SLIT3: variants seen among roughly 807,000 people sequenced by gnomAD.
The protein encoded by SLIT3 is slit homolog 3 protein.
SLIT3 carries 68 observed loss-of-function variants against 184.0 expected under a neutral mutation model. The ratio of observed to expected loss-of-function variants is 0.37; its 90% CI spans 0.30 to 0.45. The LOEUF (loss-of-function observed/expected upper bound fraction) is 0.45, where lower values mean the gene tolerates loss of function less well. SLIT3 is among the 20% of genes least tolerant of loss of function. The pLI is 1.00. For missense variants in SLIT3, 1,707 were observed against 2,026.0 expected (o/e 0.84, Z 3.02); for synonymous variants, 831 against 828.6 (o/e 1.00, Z -0.05).
chr5:169,103,385 T>C (rs1760088167), intron 4 of SLIT3, among the ~76,000 whole-genome samples: 1 of 152,168 alleles, frequency 6.6e-6, no homozygotes, highest in Non-Finnish European at 1.5e-5. Flanking sequence ...GAGAAAGGGT[T>C]TGAAAAGCCC....
chr5:168,861,391 C>T (rs1477985066), intron 5 of SLIT3, among the ~76,000 whole-genome samples: 2 of 148,946 alleles, frequency 1.3e-5, no homozygotes, highest in Admixed American at 6.7e-5. Flanking sequence ...CGTGTCCGTC[C>T]CCAACCCCTG....
chr5:168,973,536 A>G (rs1754653075), intron 4 of SLIT3, among the ~76,000 whole-genome samples: 2 of 152,234 alleles, frequency 1.3e-5, no homozygotes, highest in South Asian at 4.1e-4. Context: ...GTGAGCCACC[A>G]TGCCTGGCCT....
intron 4 of SLIT3, among the ~76,000 whole-genome samples, chr5:169,118,385 T>C (rs1157187591): frequency 3.3e-5 from 5 of 152,186 alleles, no homozygotes; most frequent in Non-Finnish European, 7.3e-5. Context: ...TGAACTGGTC[T>C]CCCTAGTGAC....
intron 5 of SLIT3, among the ~76,000 whole-genome samples, chr5:168,873,984 G>T (rs1258940004): frequency 6.6e-6 from 1 of 152,098 alleles, no homozygotes; most frequent in Non-Finnish European, 1.5e-5. Flanking sequence ...AAAATCACCA[G>T]GCAAAGACTC....
intron 4 of SLIT3, among the ~76,000 whole-genome samples, chr5:169,182,985 T>C (rs1466655827): frequency 2.0e-5 from 3 of 152,194 alleles, no homozygotes; most frequent in Non-Finnish European, 2.9e-5. Context: ...AGGGCTCAGC[T>C]GTCACAGTTT....
At chr5:169,021,458 C>A (rs1756592465) in intron 4 of SLIT3, among the ~76,000 whole-genome samples, 1 of 152,138 alleles carries the variant, frequency 6.6e-6, no homozygotes, top group African/African-American at 2.4e-5. Context: ...TCAAGTGATT[C>A]TCCTGCCTCA....
intron 4 of SLIT3, among the ~76,000 whole-genome samples, chr5:169,031,907 G>A (rs773725728): frequency 1.3e-5 from 2 of 152,184 alleles, no homozygotes; most frequent in Non-Finnish European, 2.9e-5. Flanking sequence ...TGCCCTTGAG[G>A]GATTTTTTAA....
At chr5:168,753,662 G>A (rs1184278433) in intron 17 of SLIT3, among the ~76,000 whole-genome samples, 1 of 152,198 alleles carries the variant, frequency 6.6e-6, no homozygotes, top group Non-Finnish European at 1.5e-5. Flanking sequence ...GTGTGTGAGT[G>A]TGCATGCTGG....
intron 5 of SLIT3, among the ~76,000 whole-genome samples, chr5:168,867,220 C>A (rs1396610637): frequency 6.6e-6 from 1 of 152,140 alleles, no homozygotes. Flanking sequence ...TGAAACCATG[C>A]AATTATTACT....
At chr5:169,160,070 A>G (rs1762429722) in intron 4 of SLIT3, among the ~76,000 whole-genome samples, 1 of 152,234 alleles carries the variant, frequency 6.6e-6, no homozygotes. Context: ...TTGTAGATTC[A>G]TAAAGAAAAA....
intron 11 of SLIT3, among the ~76,000 whole-genome samples, chr5:168,789,341 C>G (rs113428375): frequency 6.6e-6 from 1 of 151,988 alleles, no homozygotes; most frequent in African/African-American, 2.4e-5. Flanking sequence ...GGAAAGCTGC[C>G]AGGCGCTTAA....
intron 5 of SLIT3, among the ~76,000 whole-genome samples, chr5:168,878,735 A>C (rs1200897928): frequency 1.0e-5 from 1 of 96,078 alleles, no homozygotes; most frequent in Non-Finnish European, 2.5e-5. Context: ...TTTTTTTTTA[A>C]GACTGAGTTT....
At chr5:168,923,075 T>C (rs1308166675) in intron 4 of SLIT3, among the ~76,000 whole-genome samples, 1 of 152,112 alleles carries the variant, frequency 6.6e-6, no homozygotes, top group Non-Finnish European at 1.5e-5. Flanking sequence ...AGGGGACTTG[T>C]AGGAAATAAA....
intron 4 of SLIT3, among the ~76,000 whole-genome samples, chr5:169,074,825 A>C (rs1422795437): frequency 6.6e-6 from 1 of 152,142 alleles, no homozygotes; most frequent in Admixed American, 6.5e-5. Context: ...CTGAAGCAAG[A>C]CCTGAGGGTG....
At chr5:168,831,791 C>A (rs1045624387) in intron 6 of SLIT3, among the ~76,000 whole-genome samples, 1 of 152,160 alleles carries the variant, frequency 6.6e-6, no homozygotes, top group African/African-American at 2.4e-5. Flanking sequence ...TTTGATAATA[C>A]AGATTCCTTA....
At chr5:168,810,619 T>A (rs1757129486) in intron 8 of SLIT3, among the ~76,000 whole-genome samples, 1 of 152,212 alleles carries the variant, frequency 6.6e-6, no homozygotes, top group African/African-American at 2.4e-5. Context: ...GGGGACTTGG[T>A]CACCACTTCG....
At chr5:168,890,137 T>TAAAAAAAAAA (rs56267999) in intron 4 of SLIT3, among the ~76,000 whole-genome samples, 1 of 98,682 alleles carries the variant, frequency 1.0e-5, no homozygotes. Context: ...AGACTCCATC[T>TAAAAAAAAAA]AAAAAAAAAA....
chr5:169,014,061 G>A (rs1432574240), intron 4 of SLIT3, among the ~76,000 whole-genome samples: 1 of 151,688 alleles, frequency 6.6e-6, no homozygotes, highest in Non-Finnish European at 1.5e-5. Context: ...GTATTACAGA[G>A]AAGCTTGCAC....
At chr5:168,978,395 C>G (rs1246997558) in intron 4 of SLIT3, among the ~76,000 whole-genome samples, 3 of 152,194 alleles carry the variant, frequency 2.0e-5, no homozygotes, top group Non-Finnish European at 4.4e-5. Flanking sequence ...TTCCAATTGC[C>G]ACCCTTCATT....
Sources: allele counts gnomAD v4.1 joint callset (sites outside exome capture counted in the v4.1 genomes callset), GRCh38; gene constraint gnomAD v4.1.1; transcripts MANE v1.5; gene names NCBI Gene and HGNC (gene_info 2026-07-23, HGNC 2026-07-21).